Variants in WDR17 observed in about 807,000 individuals in gnomAD.
WDR17 encodes the protein WD repeat-containing protein 17.
In WDR17, 143 loss-of-function variants were observed where a neutral mutation model predicts 161.7. That is an observed-to-expected ratio of 0.88 (90% CI 0.77 to 1.02). WDR17 has a LOEUF of 1.02. WDR17 is among the 50% of genes least tolerant of loss of function. The probability of loss-of-function intolerance (pLI) is 0.00; values close to 1 mark genes in which losing one functional copy is unlikely to be tolerated. For synonymous variants in WDR17, 517 were observed against 515.6 expected (o/e 1.00, Z -0.04); for missense variants, 1,469 against 1,520.9 (o/e 0.97, Z 0.57).
At chr4:176,099,254 T>G (rs1737406689) in intron 1 of WDR17, among the ~76,000 whole-genome samples, 2 of 152,032 alleles carry the variant, frequency 1.3e-5, no homozygotes, top group East Asian at 1.9e-4. Flanking sequence ...TCAAAATTAT[T>G]GAGATAGAAA....
intron 9 of WDR17, 41 bp downstream of exon 9, chr4:176,137,652 T>C: frequency 3.3e-6 from 4 of 1,200,246 alleles, no homozygotes; most frequent in Non-Finnish European, 4.6e-6. Context: ...TAATGTTTTA[T>C]ACTATTTTGT....
At position 176,135,098 on chromosome 4, in the gene WDR17, A is replaced by G. The variant is rs1561156717; in HGVS notation, c.1099-10A>G. 3 of 1,610,720 alleles carry G rather than the reference A, an allele frequency of 1.9e-6. No individual in the cohort carries two copies. The highest frequency in any genetic ancestry group is 2.5e-6 in the Non-Finnish European group (3 of 1,177,926). ...TCAATAATTATGACTTTTTTATGCC[A>G]TATTCCTAGGGACATGTGGAAACTA... On this transcript the variant is annotated splice_polypyrimidine_tract_variant and intron_variant, in intron 7 of 28. Transcript: ENST00000508596.
chr4:176,158,826 G>A (rs1446693338), intron 18 of WDR17, among the ~76,000 whole-genome samples: 7 of 152,116 alleles, frequency 4.6e-5, no homozygotes, highest in Non-Finnish European at 1.0e-4. Flanking sequence ...CCAGAAAGTG[G>A]TCTCTCCACA....
intron 18 of WDR17, among the ~76,000 whole-genome samples, chr4:176,156,589 C>T (rs1387119928): frequency 6.6e-6 from 1 of 151,456 alleles, no homozygotes; most frequent in Admixed American, 6.6e-5. Context: ...GGTCTGACCA[C>T]TGAGGAAATT....
rs559889577 is a variant in WDR17 at position 176,182,735 on chromosome 4, G to C, written c.*3156G>C. The C allele has an allele frequency of 1.6e-3, 245 of 152,080 alleles. 1 individual carries two copies. The highest frequency in any genetic ancestry group is 0.01 in the Middle Eastern group (3 of 294). 9.4% of individuals were successfully genotyped at this position (152,080 alleles called of 1,614,324 possible). A position where few individuals can be genotyped will look rare whatever the true frequency, so the allele number is the denominator to read the frequency against. On this transcript the variant is annotated 3_prime_UTR_variant, in exon 29 of 29. Coordinates refer to ENST00000508596, the MANE Select transcript of WDR17 (RefSeq NM_181265.4). The surrounding 1 kb of genome is among the most constrained non-coding windows in gnomAD (Gnocchi z 4.2). ...ATATATCATGACTGTGCTATAATTTGGCATGTCATTATCTAGATTTATATG... is the reference window on the plus strand; with the variant it reads ...ATATATCATGACTGTGCTATAATTTCGCATGTCATTATCTAGATTTATATG...
intron 1 of WDR17, among the ~76,000 whole-genome samples, chr4:176,071,330 C>CTTTTT (rs10654973): frequency 0.32 from 45,409 of 143,228 alleles, 8,044 homozygotes; most frequent in East Asian, 0.42. Flanking sequence ...TTTCTTTTCT[C>CTTTTT]TTTTTTTTTT....
At chr4:176,163,783 G>C (rs997718840) in intron 22 of WDR17, among the ~76,000 whole-genome samples, 5 of 152,170 alleles carry the variant, frequency 3.3e-5, no homozygotes, top group African/African-American at 1.2e-4. Context: ...GGAATTACCT[G>C]GGGTAGCCCG....
intron 1 of WDR17, among the ~76,000 whole-genome samples, chr4:176,083,297 G>A (rs908060747): frequency 7.2e-5 from 11 of 151,976 alleles, no homozygotes; most frequent in African/African-American, 2.4e-4. Flanking sequence ...ATTATGATTC[G>A]TGCTACACAA....
chr4:176,122,018 A>T (rs1330775140), intron 4 of WDR17, among the ~76,000 whole-genome samples: 1 of 152,206 alleles, frequency 6.6e-6, no homozygotes, highest in Admixed American at 6.5e-5. Flanking sequence ...AGACTATCAC[A>T]AACAGGACAG....
Position 176,173,363 on chromosome 4 carries a change from G to A in WDR17, c.3341G>A (p.Cys1114Tyr), listed in dbSNP as rs752446415. ...IRTEKLLLHT[C>Y]TEARNELLIL... is the part of the protein sequence containing the mutation. ...ACTGAAAAATTACTCTTGCATACGTGTACTGAGTGAGTATTTTTTCTGCAA... is the reference window on the plus strand; with the variant it reads ...ACTGAAAAATTACTCTTGCATACGTATACTGAGTGAGTATTTTTTCTGCAA... Residue 1114 changes from cysteine to tyrosine, a missense_variant, in exon 25 of 29, where the codon TGT becomes TAT. Cys to Tyr is a radical substitution (Grantham distance 194, BLOSUM62 -2). Transcript: ENST00000508596. 6.2e-7 allele frequency: 1 copy of A among 1,602,736 alleles called. No individual in the cohort carries two copies. Among genetic ancestry groups the A allele is most frequent in the Non-Finnish European group, 8.5e-7 (1 of 1,172,310 alleles).
At chr4:176,133,181 TTTA>T (rs1561153161) in intron 7 of WDR17, among the ~76,000 whole-genome samples, 66 of 83,098 alleles carry the variant, frequency 7.9e-4, no homozygotes, top group African/African-American at 2.9e-3. Context: ...ATTTTTTATT[TTTA>T]TTTTTTTTTT....
rs1225387606 is a variant in WDR17 at position 176,174,690 on chromosome 4, A to G, written c.3421A>G (p.Ile1141Val). The G allele has an allele frequency of 1.2e-6, 2 of 1,611,600 alleles. No homozygotes were observed. Among genetic ancestry groups the G allele is most frequent in the South Asian group, 1.1e-5 (1 of 90,738 alleles). The change falls in exon 26 of 29, where the codon ATT becomes GTT. Residue 1141 changes from isoleucine (I) to valine (V), a missense_variant. Ile to Val is a conservative substitution (Grantham distance 29). Coordinates refer to ENST00000508596, the MANE Select transcript of WDR17 (RefSeq NM_181265.4). ...LLAIRRQYQS[I>V]VPALYEYTSQ... The stretch of plus-strand genomic sequence containing the variant: ...GGCTATCAGAAGACAGTACCAAAGC[A>G]TTGTTCCAGCACTTTATGAGTACAC...
intron 16 of WDR17, among the ~76,000 whole-genome samples, chr4:176,151,024 A>G (rs1747025487): frequency 6.6e-6 from 1 of 152,226 alleles, no homozygotes; most frequent in African/African-American, 2.4e-5. Context: ...AGCACTAACA[A>G]CAAAACCCAT....
chr4:176,134,882 A>G (rs532825881), intron 7 of WDR17, among the ~76,000 whole-genome samples: 1 of 151,758 alleles, frequency 6.6e-6, no homozygotes, highest in African/African-American at 2.4e-5. Context: ...GATTTGAGGA[A>G]CCGTGGTTGA....
In WDR17 at chr4:176,102,862, C is replaced by T. The variant is rs1010363514; in HGVS notation, c.-6-8713C>T. Among the ~76,000 whole-genome samples, 3 of 152,158 alleles carry T rather than the reference C, an allele frequency of 2.0e-5. No individual in the cohort carries two copies. In the East Asian group the frequency reaches 5.8e-4, roughly 29 times the overall value. On this transcript the variant is annotated intron_variant, in intron 1 of 28. Transcript: ENST00000508596. ...AGTTCTCAGCACAGTGGCAGCTACT[C>T]ATCCCTCACCTCAAGCCCCAGGGCA... is the stretch of plus-strand genomic sequence containing the variant.
intron 23 of WDR17, among the ~76,000 whole-genome samples, chr4:176,169,161 A>T (rs1044292080): frequency 6.6e-6 from 1 of 152,176 alleles, no homozygotes; most frequent in Non-Finnish European, 1.5e-5. Flanking sequence ...TGCATACTGA[A>T]GTATGTTGTA....
intron 21 of WDR17, among the ~76,000 whole-genome samples, chr4:176,162,703 G>A (rs1369167877): frequency 1.3e-5 from 2 of 152,002 alleles, no homozygotes; most frequent in African/African-American, 4.8e-5. Flanking sequence ...CTTTCCACTT[G>A]AGTCATTAAT....
At chr4:176,162,650 C>T (rs987377561) in intron 21 of WDR17, among the ~76,000 whole-genome samples, 1 of 152,046 alleles carries the variant, frequency 6.6e-6, no homozygotes, top group Non-Finnish European at 1.5e-5. Context: ...AATGAAAGCA[C>T]TTATTTTTCA....
chr4:176,163,223 G>A lies in WDR17; in HGVS notation c.2920G>A (p.Glu974Lys), dbSNP rs777476816. ...AGTCTGTGTGGGCACAGTACTAGGA[G>A]AGTCTGCAGCACCAGCAACCCACTA... The part of the protein sequence containing the change: ...LAVCVGTVLG[E>K]SAAPATHYAL... Residue 974 changes from glutamate to lysine, a missense_variant, in exon 22 of 29, where the codon GAG becomes AAG. Coordinates refer to ENST00000508596, the MANE Select transcript of WDR17 (RefSeq NM_181265.4). 2 of 1,614,066 alleles carry A rather than the reference G, an allele frequency of 1.2e-6. No homozygotes were observed. The highest frequency in any genetic ancestry group is 1.1e-5 in the South Asian group (1 of 91,064).
Sources: allele counts gnomAD v4.1 joint callset (sites outside exome capture counted in the v4.1 genomes callset), GRCh38; gene constraint gnomAD v4.1.1; non-coding constraint Gnocchi (gnomAD v3.1); transcripts MANE v1.5; gene names NCBI Gene and HGNC (gene_info 2026-07-23, HGNC 2026-07-21).